The following UBE2H variants were observed in gnomAD, a reference collection of about 807,000 sequenced individuals.
UBE2H encodes the protein ubiquitin conjugating enzyme E2 H, also known as ubiquitin-conjugating enzyme E2 H.
In UBE2H, 3 loss-of-function variants were observed where a neutral mutation model predicts 29.0. That is an observed-to-expected ratio of 0.10 (90% confidence interval 0.05 to 0.27). The LOEUF is 0.27. UBE2H is among the 10% of genes least tolerant of loss of function. The pLI is 1.00. For missense variants in UBE2H, 68 were observed against 228.2 expected, an observed-to-expected ratio of 0.30 and a Z score of 4.52; for synonymous variants, 69 against 82.9, an observed-to-expected ratio of 0.83 and a Z score of 0.91.
intron 1 of UBE2H, among the ~76,000 whole-genome samples, chr7:129,891,215 C>G (rs371256329): frequency 3.3e-5 from 5 of 151,192 alleles, no homozygotes; most frequent in African/African-American, 1.2e-4. Flanking sequence ...GACGGAGTTT[C>G]ACTCTTGTTG....
At chr7:129,880,743 T>C (rs10500121) in intron 2 of UBE2H, 152 bp downstream of exon 2, 99,660 of 642,100 alleles carry the variant, frequency 0.16, 8,717 homozygotes, top group African/African-American at 0.28. Flanking sequence ...TATAAAGTGA[T>C]TGTGATAAGA....
At chr7:129,868,556 C>T (rs1157328868) in intron 3 of UBE2H, among the ~76,000 whole-genome samples, 10 of 136,372 alleles carry the variant, frequency 7.3e-5, no homozygotes, top group South Asian at 2.4e-4. Context: ...GTCCGCAGTC[C>T]GGCCTGGGCG....
intron 1 of UBE2H, among the ~76,000 whole-genome samples, chr7:129,888,599 C>A (rs940278383): frequency 1.3e-5 from 2 of 152,158 alleles, no homozygotes; most frequent in African/African-American, 4.8e-5. Context: ...CTCGGCCTCC[C>A]GAGTAGCTGG....
At position 129,832,574 on chromosome 7, in the gene UBE2H, T is replaced by C; in HGVS notation, c.*2363A>G. ...CTCCCCCAGCAGGTCATTTGACAAT[T>C]CTGCATCTTCCGCTCTCTGGTGCTG... On this transcript the variant is annotated 3_prime_UTR_variant, in exon 7 of 7. Transcript: ENST00000355621. 1 of 152,298 alleles carries C rather than the reference T, an allele frequency of 6.6e-6. No homozygotes were observed. The highest frequency in any genetic ancestry group is 6.5e-5 in the Admixed American group (1 of 15,284). The allele number at this position is 152,298 out of a possible 1,614,324, so 9.4% of individuals were successfully genotyped here.
In UBE2H at chr7:129,858,891, T is replaced by TA. The variant is rs1240405733; in HGVS notation, c.245+10dup. ...CTGCTAAAATTGAAACATTTTAAAA[T>TA]AGTTACTTACGCTTCATCAATGTTG... On this transcript the variant is annotated intron_variant, in intron 4 of 6. Coordinates refer to ENST00000355621, the MANE Select transcript of UBE2H (RefSeq NM_003344.4). The TA allele has an allele frequency of 1.9e-6, 3 of 1,607,148 alleles. No individual in the cohort carries two copies. The highest frequency in any genetic ancestry group is 2.6e-6 in the Non-Finnish European group (3 of 1,175,344).
At chr7:129,863,997 T>A (rs538411195) in intron 3 of UBE2H, among the ~76,000 whole-genome samples, 10 of 152,242 alleles carry the variant, frequency 6.6e-5, no homozygotes, top group Admixed American at 3.9e-4. Flanking sequence ...TTCACCATGT[T>A]GGCCAGGCTG....
At chr7:129,930,031 C>A (rs563378328) in intron 1 of UBE2H, among the ~76,000 whole-genome samples, 1 of 152,144 alleles carries the variant, frequency 6.6e-6, no homozygotes, top group East Asian at 1.9e-4. Flanking sequence ...ACAAAAAAAA[C>A]GGATATACAA....
At chr7:129,945,130 C>T (rs765729492) in intron 1 of UBE2H, among the ~76,000 whole-genome samples, 11 of 152,148 alleles carry the variant, frequency 7.2e-5, no homozygotes, top group African/African-American at 9.7e-5. Context: ...GGAAAGATTA[C>T]AAAGGGCCAC....
At chr7:129,943,557 C>T (rs746706675) in intron 1 of UBE2H, among the ~76,000 whole-genome samples, 6 of 152,122 alleles carry the variant, frequency 3.9e-5, no homozygotes, top group Non-Finnish European at 5.9e-5. Context: ...GCACTCTAGC[C>T]TGGGCAACAC....
At chr7:129,898,684 G>A (rs1381983850) in intron 1 of UBE2H, among the ~76,000 whole-genome samples, 4 of 152,138 alleles carry the variant, frequency 2.6e-5, no homozygotes, top group African/African-American at 9.7e-5. Flanking sequence ...GATAGGCTCA[G>A]GTGCCACCAT....
intron 6 of UBE2H, among the ~76,000 whole-genome samples, chr7:129,835,947 T>C (rs1805317031): frequency 6.6e-6 from 1 of 152,188 alleles, no homozygotes; most frequent in African/African-American, 2.4e-5. Context: ...TTTGAATAAC[T>C]AGCACAGGGC....
intron 1 of UBE2H, among the ~76,000 whole-genome samples, chr7:129,945,042 C>T (rs989149974): frequency 2.6e-5 from 4 of 151,988 alleles, no homozygotes; most frequent in East Asian, 3.8e-4. Flanking sequence ...TGAATGATTC[C>T]GCTTATATAT....
intron 1 of UBE2H, among the ~76,000 whole-genome samples, chr7:129,928,887 C>T (rs1807328216): frequency 1.3e-5 from 2 of 152,164 alleles, no homozygotes; most frequent in South Asian, 4.1e-4. Flanking sequence ...GAGTTTTACA[C>T]TTTGTTTTAA....
intron 4 of UBE2H, 21 bp from the exon 5 acceptor site, chr7:129,857,584 G>A (rs751232809): frequency 1.2e-6 from 2 of 1,603,394 alleles, no homozygotes; most frequent in Admixed American, 1.7e-5. Flanking sequence ...TGGAAAGAAT[G>A]GCATGTTTTT....
intron 1 of UBE2H, among the ~76,000 whole-genome samples, chr7:129,917,196 C>T (rs1807063517): frequency 6.6e-6 from 1 of 151,846 alleles, no homozygotes; most frequent in African/African-American, 2.4e-5. Flanking sequence ...CCGTCTCAAA[C>T]AAACAAACAA....
rs183458278 is a variant in UBE2H at position 129,835,505 on chromosome 7, T to C, written c.428-444A>G. Among the ~76,000 whole-genome samples the C allele has an allele frequency of 3.3e-5, 5 of 152,304 alleles. No homozygotes were observed. In the East Asian group the frequency reaches 9.7e-4, roughly 29 times the overall value. On this transcript the variant is annotated intron_variant, in intron 6 of 6. Coordinates refer to ENST00000355621, the MANE Select transcript of UBE2H (RefSeq NM_003344.4). ...TACGGTCAGTCCAGGTCTATTATTT[T>C]AGGAATCGATTTTAGTCTAAACAGA... is the stretch of plus-strand genomic sequence containing the variant.
intron 1 of UBE2H, among the ~76,000 whole-genome samples, chr7:129,897,294 TATAA>T (rs533191395): frequency 1.9e-4 from 29 of 152,312 alleles, no homozygotes; most frequent in African/African-American, 5.1e-4. Context: ...CATATGCACA[TATAA>T]ATAATGAATT....
At chr7:129,907,330 C>T (rs920650696) in intron 1 of UBE2H, among the ~76,000 whole-genome samples, 3 of 151,772 alleles carry the variant, frequency 2.0e-5, no homozygotes, top group Non-Finnish European at 2.9e-5. Flanking sequence ...AAGCCTGGAT[C>T]GTGTAAGAAA....
intron 3 of UBE2H, among the ~76,000 whole-genome samples, chr7:129,869,299 T>C (rs1805980964): frequency 1.3e-5 from 2 of 152,050 alleles, no homozygotes; most frequent in Non-Finnish European, 2.9e-5. Flanking sequence ...CCCCAGGACA[T>C]ACCCTGACCT....
Sources: gnomAD v4.1 joint callset for allele counts (sites outside exome capture counted in the v4.1 genomes callset) on GRCh38, gnomAD v4.1.1 for gene constraint, MANE v1.5 for transcripts, NCBI Gene and HGNC (gene_info 2026-07-23, HGNC 2026-07-21) for gene names.